Variants in JCAD observed in about 807,000 individuals in gnomAD.
JCAD encodes junctional cadherin 5-associated protein.
In JCAD, 40 loss-of-function variants were observed where a neutral mutation model predicts 98.0. The observed-to-expected ratio is 0.41, with a 90% confidence interval of 0.32 to 0.53. The LOEUF (loss-of-function observed/expected upper bound fraction) is 0.53. Among genes scored for constraint, JCAD ranks in the 20% least tolerant of loss-of-function variants. The probability of loss-of-function intolerance (pLI) is 0.31; values close to 1 mark genes in which losing one functional copy is unlikely to be tolerated. For missense variants in JCAD, 1,705 were observed against 1,738.1 expected (o/e 0.98, Z 0.34); for synonymous variants, 691 against 682.3 (o/e 1.01, Z -0.20).
Position 30,028,576 on chromosome 10 carries a change from T to G in JCAD, c.1572A>C (p.Gly524=). Residue 524 remains glycine, a synonymous_variant, in exon 3 of 4, where the codon GGA becomes GGC. Transcript: ENST00000375377. ...PNQRDRCVAR[G]QWPDVRGSQH... is the part of the protein sequence containing the mutation. ...GGCTGCCTCTCACATCAGGCCACTG[T>G]CCCCTTGCCACACAGCGGTCTCTCT... 1 of 1,614,188 alleles carries G rather than the reference T, an allele frequency of 6.2e-7. No homozygotes were observed. The highest frequency in any genetic ancestry group is 2.2e-5 in the East Asian group (1 of 44,870).
At chr10:30,033,860 T>C (rs1837054252) in intron 2 of JCAD, among the ~76,000 whole-genome samples, 1 of 152,220 alleles carries the variant, frequency 6.6e-6, no homozygotes, top group African/African-American at 2.4e-5. Flanking sequence ...TAAAAACTTC[T>C]ATTTTTATTG....
intron 1 of JCAD, among the ~76,000 whole-genome samples, chr10:30,111,100 A>G (rs1388500248): frequency 6.6e-6 from 1 of 151,834 alleles, no homozygotes; most frequent in Non-Finnish European, 1.5e-5. Flanking sequence ...CCGACCTGAT[A>G]TATGGACTGG....
At chr10:30,060,473 G>A (rs1204394042), upstream of JCAD, among the ~76,000 whole-genome samples, 4 of 152,158 alleles carry the variant, frequency 2.6e-5, no homozygotes, top group Non-Finnish European at 5.9e-5. Flanking sequence ...TGCTCAGGGC[G>A]AACGTTTTCA....
chr10:30,095,932 CTA>C, intron 1 of JCAD, among the ~76,000 whole-genome samples: 1 of 152,288 alleles, frequency 6.6e-6, no homozygotes, highest in Non-Finnish European at 1.5e-5. Context: ...TTGTGTGTTT[CTA>C]TTTGCTCATT....
intron 1 of JCAD, among the ~76,000 whole-genome samples, chr10:30,091,815 G>A (rs1475640642): frequency 7.0e-6 from 1 of 143,872 alleles, no homozygotes; most frequent in African/African-American, 2.6e-5. Flanking sequence ...CCTGATGTCA[G>A]GAGTTCAAGA....
chr10:30,114,824 CG>C (rs1564478175), intron 1 of JCAD, among the ~76,000 whole-genome samples: 7 of 67,662 alleles, frequency 1.0e-4, no homozygotes, highest in Non-Finnish European at 1.9e-4. Flanking sequence ...ATTTTAAAGC[CG>C]AATAGATAGA....
intron 1 of JCAD, among the ~76,000 whole-genome samples, chr10:30,093,407 A>C (rs964331977): frequency 6.6e-6 from 1 of 152,242 alleles, no homozygotes; most frequent in African/African-American, 2.4e-5. Context: ...CACCCACATC[A>C]GTTTGGATAA....
chr10:30,038,165 C>T (rs568712933), intron 2 of JCAD, among the ~76,000 whole-genome samples: 6 of 152,148 alleles, frequency 3.9e-5, no homozygotes, highest in Admixed American at 1.3e-4. Context: ...TCGGAGGCCA[C>T]GGTCCACCGG....
At chr10:30,080,544 C>T (rs1341193342) in intron 1 of JCAD, among the ~76,000 whole-genome samples, 2 of 152,350 alleles carry the variant, frequency 1.3e-5, no homozygotes, top group Non-Finnish European at 2.9e-5. Flanking sequence ...CCATTTCGAT[C>T]ATGACATTTC....
intron 1 of JCAD, among the ~76,000 whole-genome samples, chr10:30,104,839 T>C (rs756816876): frequency 1.8e-4 from 28 of 152,218 alleles, no homozygotes; most frequent in African/African-American, 6.3e-4. Flanking sequence ...ACAATTAAAC[T>C]TAGAGAAGAG....
intron 1 of JCAD, among the ~76,000 whole-genome samples, chr10:30,100,406 A>G (rs1838449521): frequency 1.3e-5 from 2 of 152,096 alleles, no homozygotes; most frequent in Non-Finnish European, 2.9e-5. Context: ...TGTTTGAGAC[A>G]GATCTCACTC....
chr10:30,111,507 A>G (rs890872036), intron 1 of JCAD, among the ~76,000 whole-genome samples: 21 of 152,214 alleles, frequency 1.4e-4, no homozygotes, highest in Admixed American at 1.2e-3. Context: ...CTGAGATGCA[A>G]TAGTAGACAG....
chr10:30,094,544 T>C (rs902610211), intron 1 of JCAD, among the ~76,000 whole-genome samples: 1 of 152,160 alleles, frequency 6.6e-6, no homozygotes, highest in African/African-American at 2.4e-5. Context: ...GAACAAAGCC[T>C]CCCAGGTGCC....
intron 1 of JCAD, among the ~76,000 whole-genome samples, chr10:30,081,586 C>T (rs892900272): frequency 6.6e-6 from 1 of 152,198 alleles, no homozygotes; most frequent in African/African-American, 2.4e-5. Flanking sequence ...CACACGCCAC[C>T]ATGCCTGGCT....
chr10:30,013,148 A>G lies in JCAD; in HGVS notation c.*4735T>C. On this transcript the variant is annotated 3_prime_UTR_variant, in exon 4 of 4. Transcript: ENST00000375377. The stretch of plus-strand genomic sequence containing the variant: ...TGCCCAAAGAAAAAATGAAGAGATG[A>G]AAGTTTCTGTGGTTAGCTGGGCATG... 1 of 152,162 alleles carries G rather than the reference A, an allele frequency of 6.6e-6. No individual in the cohort carries two copies. Among genetic ancestry groups the G allele is most frequent in the Non-Finnish European group, 1.5e-5 (1 of 68,080 alleles). 9.4% of individuals were successfully genotyped at this position (152,162 alleles called of 1,614,324 possible).
chr10:30,018,291 TTCTTC>T (rs1221524160), intron 3 of JCAD, among the ~76,000 whole-genome samples: 2 of 117,710 alleles, frequency 1.7e-5, no homozygotes, highest in African/African-American at 4.0e-5. Flanking sequence ...CTTCTTCTTC[TTCTTC>T]TTTTTTTTTT....
In JCAD at chr10:30,105,514, C is replaced by T. The variant is rs1029683120; in HGVS notation, n.128+9853G>A. Among the ~76,000 whole-genome samples the T allele has an allele frequency of 6.6e-5, 10 of 151,818 alleles. 1 individual carries two copies. Among genetic ancestry groups the T allele is most frequent in the Admixed American group, 1.3e-4 (2 of 15,224 alleles). The stretch of plus-strand genomic sequence containing the variant: ...AATTTTTGTATTTTTAGTAGAGACA[C>T]GGTTTCACCATGTTGGCCAGCCTGG... On this transcript the variant is annotated intron_variant and non_coding_transcript_variant, in intron 1 of 2. Coordinates refer to the JCAD transcript ENST00000465712.
intron 2 of JCAD, among the ~76,000 whole-genome samples, chr10:30,065,156 T>G (rs1168610647): frequency 6.6e-6 from 1 of 152,166 alleles, no homozygotes; most frequent in East Asian, 1.9e-4. Context: ...CAATATACAC[T>G]TAGAAGAAAT....
intron 3 of JCAD, among the ~76,000 whole-genome samples, chr10:30,024,452 C>G (rs1216481836): frequency 3.3e-5 from 5 of 152,046 alleles, no homozygotes; most frequent in Non-Finnish European, 5.9e-5. Flanking sequence ...ACAATAAATC[C>G]AGAAAGCTCA....
Sources: allele counts gnomAD v4.1 joint callset (sites outside exome capture counted in the v4.1 genomes callset), GRCh38; gene constraint gnomAD v4.1.1; transcripts MANE v1.5; gene names NCBI Gene and HGNC (gene_info 2026-07-23, HGNC 2026-07-21).